EYS: variants seen among roughly 807,000 people sequenced by gnomAD.
EYS encodes EGF-like photoreceptor maintenance factor.
Under a neutral mutation model 282.1 loss-of-function variants are expected in EYS, and 250 were observed. That is an observed-to-expected ratio of 0.89 (90% confidence interval 0.80 to 0.98). The LOEUF is 0.98. Among genes scored for constraint, EYS ranks in the 50% least tolerant of loss-of-function variants. The pLI is 0.00. For missense variants in EYS, 4,016 were observed against 3,709.0 expected (o/e 1.08, Z -2.15); for synonymous variants, 1,355 against 1,282.9 (o/e 1.06, Z -1.20).
At chr6:64,803,106 A>C (rs1025412035) in intron 22 of EYS, among the ~76,000 whole-genome samples, 1 of 152,158 alleles carries the variant, frequency 6.6e-6, no homozygotes, top group Non-Finnish European at 1.5e-5. Context: ...TGGTCCTCAG[A>C]AGCTTGGAGA....
intron 33 of EYS, among the ~76,000 whole-genome samples, chr6:64,002,204 C>T (rs1386307871): frequency 6.6e-6 from 1 of 152,160 alleles, no homozygotes; most frequent in African/African-American, 2.4e-5. Flanking sequence ...AGTCCAGCCC[C>T]TGGGTGGCCC....
chr6:65,352,094 T>C (rs1327402219), intron 9 of EYS, among the ~76,000 whole-genome samples: 2 of 151,916 alleles, frequency 1.3e-5, no homozygotes, highest in South Asian at 2.1e-4. Flanking sequence ...CCACTTTTGG[T>C]CTTCAGTGTG....
At chr6:64,548,017 C>A (rs546259962) in intron 26 of EYS, among the ~76,000 whole-genome samples, 1 of 152,336 alleles carries the variant, frequency 6.6e-6, no homozygotes, top group East Asian at 1.9e-4. Context: ...ACTCGTGCTG[C>A]AGCCCTGGTT....
intron 13 of EYS, among the ~76,000 whole-genome samples, chr6:65,018,870 T>A (rs939097922): frequency 3.3e-5 from 5 of 152,198 alleles, no homozygotes; most frequent in Admixed American, 2.0e-4. Flanking sequence ...GTTGTTTAAA[T>A]ATAGCTAGAT....
chr6:64,002,808 G>A (rs571869248), intron 33 of EYS, among the ~76,000 whole-genome samples: 181 of 152,282 alleles, frequency 1.2e-3, no homozygotes, highest in Non-Finnish European at 2.3e-3. Context: ...AAAGAGCTGG[G>A]ATTATAGGCA....
chr6:64,724,197 G>GTTCTCTAACCCATTCAGGCTGAGCCACTT lies in EYS; in HGVS notation c.3443+89152_3443+89180dup, dbSNP rs575560469. ...TGTAGGTAAAGTCGGTTATACACTA[G>GTTCTCTAACCCATTCAGGCTGAGCCACTT]TTCTCTAACCCATTCAGGCTGAGCC... On this transcript the variant is annotated intron_variant, in intron 22 of 42. Transcript: ENST00000503581. Among the ~76,000 whole-genome samples, 35 of 152,198 alleles carry GTTCTCTAACCCATTCAGGCTGAGCCACTT rather than the reference G, an allele frequency of 2.3e-4. No homozygotes were observed. In the South Asian group the frequency reaches 3.1e-3, roughly 14 times the overall value.
chr6:65,288,114 G>T (rs1305701882), intron 12 of EYS, among the ~76,000 whole-genome samples: 1 of 151,018 alleles, frequency 6.6e-6, no homozygotes, highest in East Asian at 1.9e-4. Context: ...TGAAATATTG[G>T]ACTTTTTAAA....
intron 36 of EYS, among the ~76,000 whole-genome samples, chr6:63,810,316 A>C (rs1317415646): frequency 5.7e-4 from 72 of 126,442 alleles, no homozygotes; most frequent in African/African-American, 1.6e-3. Flanking sequence ...CCCCCCCCCC[A>C]AAAAAACCTG....
At chr6:65,531,560 G>C (rs542375442) in intron 2 of EYS, among the ~76,000 whole-genome samples, 1 of 152,254 alleles carries the variant, frequency 6.6e-6, no homozygotes, top group East Asian at 1.9e-4. Flanking sequence ...TCAAGTCCTA[G>C]TATGCACATA....
At chr6:64,778,501 T>C (rs972406876) in intron 22 of EYS, among the ~76,000 whole-genome samples, 4 of 152,166 alleles carry the variant, frequency 2.6e-5, no homozygotes, top group African/African-American at 9.6e-5. Context: ...CCAGCTATAA[T>C]GGAATACAAC....
intron 14 of EYS, among the ~76,000 whole-genome samples, chr6:64,948,754 T>C (rs1416039650): frequency 2.0e-5 from 3 of 151,500 alleles, no homozygotes; most frequent in Non-Finnish European, 4.4e-5. Context: ...AAGGTTTACA[T>C]TATTTATTAA....
intron 11 of EYS, chr6:65,330,822 C>T (rs1013589606): frequency 1.1e-6 from 1 of 943,942 alleles, no homozygotes; most frequent in African/African-American, 1.8e-5. Flanking sequence ...CTTTTAGATC[C>T]CTATACACAT....
chr6:65,033,478 G>T (rs917038664), intron 13 of EYS, among the ~76,000 whole-genome samples: 1 of 152,146 alleles, frequency 6.6e-6, no homozygotes, highest in African/African-American at 2.4e-5. Context: ...CGGTCACAAG[G>T]CCCTTTTGAA....
At chr6:64,623,831 A>C (rs1422069636) in intron 23 of EYS, among the ~76,000 whole-genome samples, 1 of 152,108 alleles carries the variant, frequency 6.6e-6, no homozygotes, top group Non-Finnish European at 1.5e-5. Flanking sequence ...AGTTAATTTT[A>C]CTGTGGGAAT....
chr6:64,339,059 C>T (rs1368597683), intron 29 of EYS, among the ~76,000 whole-genome samples: 2 of 151,984 alleles, frequency 1.3e-5, no homozygotes, highest in African/African-American at 2.4e-5. Context: ...AAAAACCCTT[C>T]TAGACATTGG....
chr6:64,284,616 C>A (rs753971469), intron 30 of EYS, among the ~76,000 whole-genome samples: 4 of 152,148 alleles, frequency 2.6e-5, no homozygotes, highest in Non-Finnish European at 5.9e-5. Context: ...TTCTTCATTG[C>A]CCTAGCAGAG....
intron 7 of EYS, among the ~76,000 whole-genome samples, chr6:65,391,029 G>T (rs776989262): frequency 9.2e-5 from 14 of 152,232 alleles, no homozygotes; most frequent in South Asian, 2.1e-4. Context: ...TGGGGCTAAG[G>T]TTCCTTTAAT....
At chr6:64,453,473 G>C (rs868256241) in intron 26 of EYS, among the ~76,000 whole-genome samples, 1 of 152,140 alleles carries the variant, frequency 6.6e-6, no homozygotes, top group South Asian at 2.1e-4. Flanking sequence ...TCTAGAACTG[G>C]AAATACCATT....
chr6:63,849,694 G>T (rs1353035587), intron 36 of EYS, among the ~76,000 whole-genome samples: 1 of 152,164 alleles, frequency 6.6e-6, no homozygotes, highest in East Asian at 1.9e-4. Flanking sequence ...AAGATCAAAG[G>T]TAGATAAACC....
Sources: allele counts gnomAD v4.1 joint callset (sites outside exome capture counted in the v4.1 genomes callset), GRCh38; gene constraint gnomAD v4.1.1; transcripts MANE v1.5; gene names NCBI Gene and HGNC (gene_info 2026-07-23, HGNC 2026-07-21).